Variants in PARD3B observed in about 807,000 individuals in gnomAD.
The protein encoded by PARD3B is partitioning defective 3 homolog B.
In PARD3B, 103 loss-of-function variants were observed where a neutral mutation model predicts 130.2. The observed-to-expected ratio is 0.79, with a 90% CI of 0.67 to 0.93. The LOEUF (loss-of-function observed/expected upper bound fraction) is 0.93, where lower values mean the gene tolerates loss of function less well. Ranked by LOEUF, PARD3B falls within the 40% of genes least tolerant of loss-of-function variation. The probability of loss-of-function intolerance (pLI) is 0.00; values close to 1 mark genes in which losing one functional copy is unlikely to be tolerated. For synonymous variants in PARD3B, 583 were observed against 553.2 expected, an observed-to-expected ratio of 1.05 and a Z score of -0.76; for missense variants, 1,609 against 1,499.2, an observed-to-expected ratio of 1.07 and a Z score of -1.21.
chr2:205,413,682 T>C (rs1272901543), intron 19 of PARD3B, among the ~76,000 whole-genome samples: 2 of 152,174 alleles, frequency 1.3e-5, no homozygotes, highest in African/African-American at 4.8e-5. Flanking sequence ...CATTGAAGCA[T>C]AGTGGCCAGT....
chr2:205,114,751 ACC>A (rs200883601), intron 6 of PARD3B, among the ~76,000 whole-genome samples: 75 of 24,498 alleles, frequency 3.1e-3, no homozygotes, highest in Admixed American at 7.1e-3. Flanking sequence ...CGAAGTCATC[ACC>A]TTTTTTTTTT....
At chr2:204,931,405 T>A (rs896249924) in intron 2 of PARD3B, among the ~76,000 whole-genome samples, 1 of 152,088 alleles carries the variant, frequency 6.6e-6, no homozygotes, top group Non-Finnish European at 1.5e-5. Context: ...ATATCAACTT[T>A]CTTATCAATT....
chr2:205,121,922 A>G lies in PARD3B; in HGVS notation c.1138A>G (p.Lys380Glu). The change falls in exon 8 of 23, where the codon AAG becomes GAG. Residue 380 changes from lysine to glutamate, a missense_variant. Coordinates refer to ENST00000406610, the MANE Select transcript of PARD3B (RefSeq NM_001302769.2). The surrounding 1 kb of genome is among the most constrained non-coding windows in gnomAD (Gnocchi z 5.0). ...LMGFGSNKNA[K>E]KIKIDLKKGP... is the part of the protein sequence containing the mutation. Reference sequence around the variant, plus strand: ...GGGATTTGGCAGCAATAAAAATGCAAAGAAAATTAAGATTGACCTAAAGAA... The same window carrying G: ...GGGATTTGGCAGCAATAAAAATGCAGAGAAAATTAAGATTGACCTAAAGAA... The G allele has an allele frequency of 6.2e-7, 1 of 1,610,536 alleles. No individual in the cohort carries two copies. Among genetic ancestry groups the G allele is most frequent in the Non-Finnish European group, 8.5e-7 (1 of 1,177,852 alleles).
chr2:205,492,721 T>C (rs2049766993), intron 20 of PARD3B, among the ~76,000 whole-genome samples: 1 of 152,170 alleles, frequency 6.6e-6, no homozygotes, highest in Non-Finnish European at 1.5e-5. Context: ...ATCATAACTT[T>C]ACCTGGATAT....
At chr2:205,150,252 T>TGC (rs60163212) in intron 10 of PARD3B, among the ~76,000 whole-genome samples, 1,528 of 145,870 alleles carry the variant, frequency 0.01, 28 homozygotes, top group African/African-American at 0.036. Context: ...TGTGTGTGTG[T>TGC]GCACACACGC....
intron 2 of PARD3B, among the ~76,000 whole-genome samples, chr2:204,774,660 T>C (rs554265032): frequency 2.6e-4 from 40 of 152,174 alleles, no homozygotes; most frequent in Non-Finnish European, 4.7e-4. Flanking sequence ...CAGATATGAT[T>C]GGAATCATCT....
intron 2 of PARD3B, among the ~76,000 whole-genome samples, chr2:204,848,063 AC>A (rs1232015979): frequency 6.6e-6 from 1 of 152,230 alleles, no homozygotes; most frequent in Non-Finnish European, 1.5e-5. Flanking sequence ...TTTTGAGACC[AC>A]ATTCACATAA....
intron 18 of PARD3B, among the ~76,000 whole-genome samples, chr2:205,384,849 C>T (rs2105958523): frequency 6.6e-6 from 1 of 152,190 alleles, no homozygotes; most frequent in South Asian, 2.1e-4. Context: ...CCAGCAAGAT[C>T]ATCTATAGAA....
chr2:205,374,180 G>GAAAA (rs58332160), intron 18 of PARD3B, among the ~76,000 whole-genome samples: 1 of 143,394 alleles, frequency 7.0e-6, no homozygotes, highest in Non-Finnish European at 1.5e-5. Flanking sequence ...GAGGAAAAAT[G>GAAAA]AAAAAAAAAA....
In PARD3B at chr2:205,150,375, A is replaced by G. The variant is rs1042745796; in HGVS notation, c.1435-8347A>G. 1.8e-4 allele frequency among the ~76,000 whole-genome samples: 27 copies of G among 152,062 alleles called. 1 individual carries two copies. The highest frequency in any genetic ancestry group is 3.1e-4 in the Non-Finnish European group (21 of 68,020). On this transcript the variant is annotated intron_variant, in intron 10 of 22. Coordinates refer to ENST00000406610, the MANE Select transcript of PARD3B (RefSeq NM_001302769.2). ...GTCATATCACTAAGGTCTGGCATTT[A>G]GGGCACTTGGTAGTACTTTATACCC...
At chr2:204,794,642 C>T (rs2042309022) in intron 2 of PARD3B, among the ~76,000 whole-genome samples, 2 of 152,162 alleles carry the variant, frequency 1.3e-5, no homozygotes, top group Admixed American at 6.5e-5. Context: ...GTCAAATAAT[C>T]AGGTAGTGAT....
chr2:205,486,989 T>C (rs2049469402), intron 20 of PARD3B, among the ~76,000 whole-genome samples: 1 of 152,234 alleles, frequency 6.6e-6, no homozygotes, highest in East Asian at 1.9e-4. Flanking sequence ...CTAGACCTAA[T>C]TGCTTTATGC....
intron 1 of PARD3B, among the ~76,000 whole-genome samples, chr2:204,579,021 C>T (rs577155436): frequency 1.4e-4 from 22 of 151,904 alleles, no homozygotes; most frequent in South Asian, 1.2e-3. Flanking sequence ...AACTGGATCT[C>T]GTTTTAGGAG....
intron 2 of PARD3B, among the ~76,000 whole-genome samples, chr2:204,786,777 C>T (rs1027062288): frequency 6.6e-6 from 1 of 151,196 alleles, no homozygotes; most frequent in African/African-American, 2.4e-5. Context: ...ATGACATTAC[C>T]ACCAATGCAA....
chr2:204,760,243 T>C (rs1029330510), intron 2 of PARD3B, among the ~76,000 whole-genome samples: 7 of 152,246 alleles, frequency 4.6e-5, no homozygotes, highest in Admixed American at 4.6e-4. Flanking sequence ...ACATGAATTT[T>C]CATTAGAAAT....
chr2:204,781,566 C>T (rs1279326237), intron 2 of PARD3B, among the ~76,000 whole-genome samples: 1 of 152,068 alleles, frequency 6.6e-6, no homozygotes. Flanking sequence ...AATAAGGATT[C>T]AGCTGTCAAC....
Position 205,309,883 on chromosome 2 carries a change from A to G in PARD3B, c.2630+8182A>G, listed in dbSNP as rs1559647161. Among the ~76,000 whole-genome samples, 1 of 138,774 alleles carries G rather than the reference A, an allele frequency of 7.2e-6. No individual in the cohort carries two copies. The highest frequency in any genetic ancestry group is 1.5e-5 in the Non-Finnish European group (1 of 65,356). The allele number at this position is 138,774 out of a possible 152,430, so 91.0% of individuals were successfully genotyped here. On this transcript the variant is annotated intron_variant, in intron 18 of 22. Transcript: ENST00000406610. This position sits in a 1 kb window ranked among gnomAD's most constrained non-coding sequence, Gnocchi z 4.7. ...TGTAGTGCCTAACTTGATAGACATT[A>G]CTTCTTATCCATCTATCTATCTATC... is the stretch of plus-strand genomic sequence containing the variant.
At chr2:205,395,707 C>T (rs896405336) in intron 18 of PARD3B, among the ~76,000 whole-genome samples, 2 of 152,208 alleles carry the variant, frequency 1.3e-5, no homozygotes, top group East Asian at 1.9e-4. Flanking sequence ...CATCTTTCAC[C>T]GATTCCTGCA....
chr2:205,012,738 T>C (rs969356336), intron 3 of PARD3B, among the ~76,000 whole-genome samples: 1 of 152,214 alleles, frequency 6.6e-6, no homozygotes, highest in Non-Finnish European at 1.5e-5. Context: ...TATCTTCAGT[T>C]TTCAGTGTTT....
Sources: gnomAD v4.1 joint callset for allele counts (sites outside exome capture counted in the v4.1 genomes callset) on GRCh38, gnomAD v4.1.1 for gene constraint, Gnocchi (gnomAD v3.1) non-coding constraint, MANE v1.5 for transcripts, NCBI Gene and HGNC (gene_info 2026-07-23, HGNC 2026-07-21) for gene names.